DTL: variants seen among roughly 807,000 people sequenced by gnomAD.
DTL encodes denticleless protein homolog.
A neutral mutation model predicts 87.0 loss-of-function variants in DTL; 46 were observed. That is an observed-to-expected ratio of 0.53 (90% confidence interval 0.42 to 0.68). The LOEUF (loss-of-function observed/expected upper bound fraction) is 0.68, where lower values mean the gene tolerates loss of function less well. DTL is among the 30% of genes least tolerant of loss of function. DTL has a pLI of 0.00. For missense variants in DTL, 737 were observed against 869.4 expected (o/e 0.85, Z 1.91); for synonymous variants, 308 against 311.2 (o/e 0.99, Z 0.11).
intron 14 of DTL, 103 bp downstream of exon 14, chr1:212,101,187 T>C: frequency 1.1e-6 from 1 of 869,912 alleles, no homozygotes; most frequent in Non-Finnish European, 1.7e-6. Flanking sequence ...AAGAAAGAAA[T>C]CTATTTATTC....
intron 5 of DTL, among the ~76,000 whole-genome samples, chr1:212,053,176 A>G (rs1251677069): frequency 6.6e-6 from 1 of 151,990 alleles, no homozygotes; most frequent in Admixed American, 6.6e-5. Context: ...AATTTGTCCT[A>G]AAGTTCACTT....
chr1:212,088,978 C>T lies in DTL; in HGVS notation c.1261+8228C>T, dbSNP rs12087941. On this transcript the variant is annotated intron_variant, in intron 13 of 14. Transcript: ENST00000366991. ...GCACACGCCTGTAATCCCAGCTACT[C>T]GGGAGGCTGAGGCAGGAGAATTGTT... Among the ~76,000 whole-genome samples the T allele has an allele frequency of 8.0e-3, 1,218 of 152,088 alleles. 17 individuals are homozygous for T. The highest frequency in any genetic ancestry group is 0.028 in the African/African-American group (1,145 of 41,462).
chr1:212,058,515 C>T (rs1668246968), intron 5 of DTL, among the ~76,000 whole-genome samples: 1 of 151,668 alleles, frequency 6.6e-6, no homozygotes, highest in Admixed American at 6.6e-5. Context: ...AATTGAAACC[C>T]AACATACCAA....
In DTL at chr1:212,035,990, C is replaced by T. The variant is rs369778039; in HGVS notation, c.52+48C>T. On this transcript the variant is annotated intron_variant, in intron 1 of 14. Coordinates refer to ENST00000366991, the MANE Select transcript of DTL (RefSeq NM_016448.4). The stretch of plus-strand genomic sequence containing the variant: ...GCTCGGAGCTGGCGGAATTCATTTC[C>T]CCCGAAACACACGCCACCTCCGACC... The T allele has an allele frequency of 2.4e-5, 38 of 1,586,170 alleles. No homozygotes were observed. The East Asian group carries it at 6.1e-4, about 25-fold the overall frequency.
chr1:212,086,786 A>G (rs1447681530), intron 13 of DTL, among the ~76,000 whole-genome samples: 1 of 152,238 alleles, frequency 6.6e-6, no homozygotes, highest in Non-Finnish European at 1.5e-5. Flanking sequence ...TGTAGTTTAA[A>G]CATTTGTTTC....
At chr1:212,102,679 G>A (rs944938588) in intron 14 of DTL, among the ~76,000 whole-genome samples, 163 bp from the exon 15 acceptor site, 1 of 152,170 alleles carries the variant, frequency 6.6e-6, no homozygotes, top group African/African-American at 2.4e-5. Flanking sequence ...ACTATAGTCA[G>A]TACAAATCAG....
At chr1:212,097,018 G>C (rs1325121316) in intron 13 of DTL, among the ~76,000 whole-genome samples, 2 of 152,234 alleles carry the variant, frequency 1.3e-5, no homozygotes, top group South Asian at 4.1e-4. Flanking sequence ...ACTCCTTTTA[G>C]CAGTTTTTGT....
intron 5 of DTL, among the ~76,000 whole-genome samples, chr1:212,055,166 A>G (rs1668129581): frequency 1.3e-5 from 2 of 149,882 alleles, no homozygotes; most frequent in South Asian, 4.1e-4. Context: ...TCCGGAAGCA[A>G]GGAAGGAGAG....
chr1:212,071,761 G>A lies in DTL; in HGVS notation c.923-340G>A, dbSNP rs189507789. On this transcript the variant is annotated intron_variant, in intron 10 of 14. Transcript: ENST00000366991. Reference sequence around the variant, plus strand: ...GTGGAAAAAATCCTACCCTGGGCTGGAGAGAGAGGGTCTTATAAAGGCATT... The same window carrying A: ...GTGGAAAAAATCCTACCCTGGGCTGAAGAGAGAGGGTCTTATAAAGGCATT... 4.9e-4 allele frequency among the ~76,000 whole-genome samples: 75 copies of A among 152,278 alleles called. 1 individual carries two copies. The highest frequency in any genetic ancestry group is 4.6e-3 in the Admixed American group (71 of 15,290).
chr1:212,049,140 C>T (rs1667889909), intron 5 of DTL, among the ~76,000 whole-genome samples: 2 of 152,158 alleles, frequency 1.3e-5, no homozygotes, highest in African/African-American at 4.8e-5. Flanking sequence ...CCAGGTTGGT[C>T]TCGAACTCCT....
rs1443524900 is a variant in DTL, at chr1:212,064,813, C to T, written c.527-104C>T. On this transcript the variant is annotated intron_variant, in intron 6 of 14. Coordinates refer to ENST00000366991, the MANE Select transcript of DTL (RefSeq NM_016448.4). ...AGCTGGCTCTGCTGGCTTCTAATTT[C>T]ACCAACTTGGTCAAAAATTACTTAA... 8 of 900,836 alleles carry T rather than the reference C, an allele frequency of 8.9e-6. No individual in the cohort carries two copies. The East Asian group carries it at 1.7e-4, about 19-fold the overall frequency. 55.8% of individuals were successfully genotyped at this position (900,836 alleles called of 1,614,324 possible).
intron 11 of DTL, among the ~76,000 whole-genome samples, chr1:212,073,853 T>G (rs1654752532): frequency 6.6e-6 from 1 of 152,116 alleles, no homozygotes; most frequent in South Asian, 2.1e-4. Flanking sequence ...CAATGTTATG[T>G]CGCTGGCACT....
chr1:212,056,832 C>A (rs1571951350), intron 5 of DTL, among the ~76,000 whole-genome samples: 2 of 152,140 alleles, frequency 1.3e-5, no homozygotes, highest in South Asian at 4.2e-4. Context: ...CTACAGAATT[C>A]ATTTAATGAA....
chr1:212,061,020 G>A (rs1202565405), intron 5 of DTL, among the ~76,000 whole-genome samples: 8 of 152,066 alleles, frequency 5.3e-5, no homozygotes, highest in South Asian at 2.1e-4. Flanking sequence ...CAAGGAACTC[G>A]AACAACTCAA....
In DTL at chr1:212,071,734, C is replaced by T. The variant is rs996679546; in HGVS notation, c.923-367C>T. Among the ~76,000 whole-genome samples, 3 of 152,246 alleles carry T rather than the reference C, an allele frequency of 2.0e-5. No homozygotes were observed. In the East Asian group the frequency reaches 5.8e-4, roughly 29 times the overall value. On this transcript the variant is annotated intron_variant, in intron 10 of 14. Transcript: ENST00000366991. Reference sequence around the variant, plus strand: ...GGGGAAATTAGATGAATATATTATGCAGTGGAAAAAATCCTACCCTGGGCT... The same window carrying T: ...GGGGAAATTAGATGAATATATTATGTAGTGGAAAAAATCCTACCCTGGGCT...
At position 212,051,772 on chromosome 1, in the gene DTL, G is replaced by A. The variant is rs1667993391; in HGVS notation, c.460+4355G>A. On this transcript the variant is annotated intron_variant, in intron 5 of 14. Transcript: ENST00000366991. ...TTGGCAAGAATCTTGCCCTTAACTT[G>A]TTTGTTTACAACAATGCCAACAGCA... 6.9e-5 allele frequency: 55 copies of A among 795,158 alleles called. No individual in the cohort carries two copies. The South Asian group carries it at 7.5e-4, about 11-fold the overall frequency. The allele number at this position is 795,158 out of a possible 1,614,324, so 49.3% of individuals were successfully genotyped here.
chr1:212,083,129 A>G (rs1187552194), intron 13 of DTL, among the ~76,000 whole-genome samples: 1 of 152,254 alleles, frequency 6.6e-6, no homozygotes, highest in Admixed American at 6.5e-5. Context: ...TTAATGACTT[A>G]CAGTTCCACA....
chr1:212,060,987 G>A (rs1053043087), intron 5 of DTL, among the ~76,000 whole-genome samples: 2 of 152,086 alleles, frequency 1.3e-5, no homozygotes, highest in African/African-American at 4.8e-5. Flanking sequence ...TATCTGATAA[G>A]GGAATAATAT....
intron 13 of DTL, among the ~76,000 whole-genome samples, chr1:212,098,580 C>CT (rs754417958): frequency 2.2e-4 from 34 of 152,058 alleles, no homozygotes; most frequent in Non-Finnish European, 3.8e-4. Flanking sequence ...GCAGGGCTTG[C>CT]TGTGGCCTCT....
Sources: gnomAD v4.1 joint callset for allele counts (sites outside exome capture counted in the v4.1 genomes callset) on GRCh38, gnomAD v4.1.1 for gene constraint, MANE v1.5 for transcripts, NCBI Gene and HGNC (gene_info 2026-07-23, HGNC 2026-07-21) for gene names.